CNTN4: variants seen among roughly 807,000 people sequenced by gnomAD.
The protein encoded by CNTN4 is contactin 4.
A neutral mutation model predicts 122.5 loss-of-function variants in CNTN4; 77 were observed. The observed-to-expected ratio is 0.63, with a 90% confidence interval of 0.52 to 0.76. The LOEUF (loss-of-function observed/expected upper bound fraction) is 0.76. CNTN4 is among the 30% of genes least tolerant of loss of function. CNTN4 has a pLI of 0.00. For missense variants in CNTN4, 1,256 were observed against 1,259.1 expected (o/e 1.00, Z 0.04); for synonymous variants, 512 against 447.0 (o/e 1.15, Z -1.83).
chr3:2,941,688 A>C (rs1050015017), intron 13 of CNTN4, among the ~76,000 whole-genome samples: 1 of 152,118 alleles, frequency 6.6e-6, no homozygotes, highest in Non-Finnish European at 1.5e-5. Flanking sequence ...CTCTGCTTCT[A>C]TACTCGCTCC....
intron 13 of CNTN4, among the ~76,000 whole-genome samples, chr3:2,943,539 A>G (rs1268867171): frequency 1.3e-5 from 2 of 150,888 alleles, no homozygotes; most frequent in African/African-American, 4.9e-5. Flanking sequence ...ACTTGGTTAT[A>G]GAGACACAAA....
chr3:2,886,493 A>G (rs1271073337), intron 9 of CNTN4, among the ~76,000 whole-genome samples: 1 of 149,592 alleles, frequency 6.7e-6, no homozygotes, highest in South Asian at 2.1e-4. Context: ...CAATGATGAT[A>G]TTGTATAGGA....
intron 3 of CNTN4, among the ~76,000 whole-genome samples, chr3:2,538,030 A>G (rs2077878803): frequency 6.6e-6 from 1 of 152,030 alleles, no homozygotes; most frequent in African/African-American, 2.4e-5. Flanking sequence ...TTTGTAAATA[A>G]GGATATTGCA....
At chr3:2,211,862 T>C (rs1575091702) in intron 2 of CNTN4, among the ~76,000 whole-genome samples, 2 of 152,336 alleles carry the variant, frequency 1.3e-5, no homozygotes, top group South Asian at 2.1e-4. Context: ...CTCTGACATA[T>C]ACTGTATAGG....
chr3:2,920,218 ACACAT>A (rs2094414323), intron 12 of CNTN4, among the ~76,000 whole-genome samples: 1 of 151,158 alleles, frequency 6.6e-6, no homozygotes, highest in South Asian at 2.1e-4. Context: ...TCTCTCTCAC[ACACAT>A]ATGTATCTAA....
chr3:2,400,241 C>T (rs1218599992), intron 3 of CNTN4, among the ~76,000 whole-genome samples: 1 of 151,242 alleles, frequency 6.6e-6, no homozygotes, highest in Non-Finnish European at 1.5e-5. Flanking sequence ...TCTAGTATCA[C>T]AAAACCAGAA....
At chr3:2,569,562 A>G (rs1237738482) in intron 3 of CNTN4, among the ~76,000 whole-genome samples, 2 of 152,212 alleles carry the variant, frequency 1.3e-5, no homozygotes, top group African/African-American at 4.8e-5. Flanking sequence ...TGAAAGCTAA[A>G]ATAACAAGTT....
chr3:2,483,369 C>T (rs150951409), intron 3 of CNTN4, among the ~76,000 whole-genome samples: 3 of 152,272 alleles, frequency 2.0e-5, no homozygotes, highest in African/African-American at 4.8e-5. Context: ...GATTTTACCA[C>T]CTCATAGGCA....
chr3:2,476,512 A>G (rs900948178), intron 3 of CNTN4, among the ~76,000 whole-genome samples: 5 of 152,336 alleles, frequency 3.3e-5, no homozygotes, highest in Middle Eastern at 3.4e-3. Context: ...AAGCACTGCT[A>G]CCTCTTACGG....
chr3:2,224,316 T>C (rs1434961690), intron 2 of CNTN4, among the ~76,000 whole-genome samples: 1 of 152,128 alleles, frequency 6.6e-6, no homozygotes, highest in Admixed American at 6.5e-5. Context: ...CCTCACCTGC[T>C]CCTCTCAAAA....
At chr3:2,793,448 A>G (rs540996795) in intron 6 of CNTN4, among the ~76,000 whole-genome samples, 4 of 152,176 alleles carry the variant, frequency 2.6e-5, no homozygotes, top group African/African-American at 9.6e-5. Flanking sequence ...CTATAATGGA[A>G]CAAAGAACTT....
intron 3 of CNTN4, among the ~76,000 whole-genome samples, chr3:2,430,176 C>A (rs1381271830): frequency 1.3e-5 from 2 of 151,986 alleles, no homozygotes; most frequent in East Asian, 3.9e-4. Context: ...GTAATCCCAG[C>A]ACTTTGGGAG....
At chr3:2,811,341 G>C (rs972133413) in intron 6 of CNTN4, among the ~76,000 whole-genome samples, 1 of 149,960 alleles carries the variant, frequency 6.7e-6, no homozygotes, top group African/African-American at 2.5e-5. Context: ...CCAAGAGGCA[G>C]AGGTTGCAGT....
intron 6 of CNTN4, among the ~76,000 whole-genome samples, chr3:2,791,691 A>G (rs978080463): frequency 6.6e-6 from 1 of 152,172 alleles, no homozygotes; most frequent in South Asian, 2.1e-4. Flanking sequence ...AACAAAAGAA[A>G]TGTGTTCTTT....
At chr3:2,673,886 C>A (rs2084682930) in intron 4 of CNTN4, among the ~76,000 whole-genome samples, 1 of 152,084 alleles carries the variant, frequency 6.6e-6, no homozygotes, top group South Asian at 2.1e-4. Context: ...CTTTTGTCAT[C>A]TTGGAATGTT....
At chr3:3,008,908 G>A (rs1696907539) in intron 14 of CNTN4, 1 of 980,082 alleles carries the variant, frequency 1.0e-6, no homozygotes, top group Non-Finnish European at 1.2e-6. Context: ...AAACCACCAA[G>A]ATCTAATAAG....
chr3:2,758,582 G>C (rs867389674), intron 6 of CNTN4, among the ~76,000 whole-genome samples: 1 of 137,480 alleles, frequency 7.3e-6, no homozygotes, highest in Non-Finnish European at 1.5e-5. Context: ...GCGGGATCTC[G>C]GCTCACCTCT....
chr3:2,398,973 A>G (rs1223857702), intron 3 of CNTN4, among the ~76,000 whole-genome samples: 2 of 152,156 alleles, frequency 1.3e-5, no homozygotes, highest in African/African-American at 4.8e-5. Flanking sequence ...TGGCCAAATC[A>G]AAGGTAGTAG....
chr3:2,745,615 C>T lies in CNTN4; in HGVS notation c.276C>T (p.Thr92=), dbSNP rs914421448. ...GSLLINNPNK[T]QDAGTYQCTA... ...TGTTGATCAATAACCCCAATAAAAC[C>T]CAAGATGCTGGAACGTACCAGTGCA... Residue 92 remains threonine (T), a synonymous_variant, in exon 6 of 25, where the codon ACC becomes ACT. Transcript: ENST00000418658. 3 of 1,614,054 alleles carry T rather than the reference C, an allele frequency of 1.9e-6. No individual in the cohort carries two copies. Among genetic ancestry groups the T allele is most frequent in the Non-Finnish European group, 2.5e-6 (3 of 1,179,968 alleles).
Sources: allele counts gnomAD v4.1 joint callset (sites outside exome capture counted in the v4.1 genomes callset), GRCh38; gene constraint gnomAD v4.1.1; transcripts MANE v1.5; gene names NCBI Gene and HGNC (gene_info 2026-07-23, HGNC 2026-07-21).